STPG2: variants seen among roughly 807,000 people sequenced by gnomAD.
STPG2 encodes sperm tail PG-rich repeat containing 2.
A neutral mutation model predicts 54.2 loss-of-function variants in STPG2; 56 were observed. The ratio of observed to expected loss-of-function variants is 1.03; its 90% confidence interval spans 0.83 to 1.29. STPG2 has a LOEUF of 1.29. STPG2 is among the 50% of genes most tolerant of loss of function. The probability of loss-of-function intolerance (pLI) is 0.00; values close to 1 mark genes in which losing one functional copy is unlikely to be tolerated. For synonymous variants in STPG2, 200 were observed against 181.8 expected (o/e 1.10, Z -0.81); for missense variants, 596 against 544.9 (o/e 1.09, Z -0.93).
At chr4:97,874,571 T>G (rs1730107143) in intron 8 of STPG2, among the ~76,000 whole-genome samples, 1 of 151,830 alleles carries the variant, frequency 6.6e-6, no homozygotes, top group South Asian at 2.1e-4. Flanking sequence ...GGGCTATATA[T>G]AAGTTTGCAT....
intron 3 of STPG2, among the ~76,000 whole-genome samples, chr4:98,126,589 A>T (rs1297750813): frequency 6.6e-6 from 1 of 152,186 alleles, no homozygotes; most frequent in East Asian, 1.9e-4. Context: ...CCGCCTAGTC[A>T]GTCCCAATGA....
intron 8 of STPG2, among the ~76,000 whole-genome samples, chr4:97,906,228 C>G (rs1030999345): frequency 6.6e-6 from 1 of 152,186 alleles, no homozygotes; most frequent in Non-Finnish European, 1.5e-5. Context: ...TCAGAGAATA[C>G]TACAAACACC....
rs182845194 is a variant in STPG2 at position 97,548,808 on chromosome 4, G to A, written c.462+163891C>T. On this transcript the variant is annotated intron_variant, in intron 4 of 4. Coordinates refer to the STPG2 transcript ENST00000522676. ...ATGATACTACTAAAAGATACACAAGGTATGTTAGAGAAAATTTCATATTTT... is the reference window on the plus strand; with the variant it reads ...ATGATACTACTAAAAGATACACAAGATATGTTAGAGAAAATTTCATATTTT... Among the ~76,000 whole-genome samples, 631 of 152,176 alleles carry A rather than the reference G, an allele frequency of 4.1e-3. 3 individuals are homozygous for A. Among genetic ancestry groups the A allele is most frequent in the South Asian group, 0.02 (98 of 4,824 alleles).
chr4:97,469,001 T>C (rs1260818767), intron 4 of STPG2, among the ~76,000 whole-genome samples: 1 of 152,088 alleles, frequency 6.6e-6, no homozygotes. Context: ...AACCAAAGTT[T>C]ACTGCCTTCA....
intron 4 of STPG2, among the ~76,000 whole-genome samples, chr4:97,511,067 T>C (rs1730961667): frequency 6.6e-6 from 1 of 152,034 alleles, no homozygotes; most frequent in Non-Finnish European, 1.5e-5. Context: ...CCAAAGTACA[T>C]GGAAGAAATA....
intron 8 of STPG2, among the ~76,000 whole-genome samples, chr4:97,932,173 A>G (rs1732573016): frequency 6.6e-6 from 1 of 151,878 alleles, no homozygotes; most frequent in African/African-American, 2.4e-5. Flanking sequence ...TATTTTATTA[A>G]TTTTTTCAAA....
chr4:97,848,897 C>A (rs1028340072), intron 8 of STPG2, among the ~76,000 whole-genome samples: 1 of 150,552 alleles, frequency 6.6e-6, no homozygotes, highest in African/African-American at 2.5e-5. Flanking sequence ...GTTTTGGTTA[C>A]TGTAGCCTTG....
intron 4 of STPG2, among the ~76,000 whole-genome samples, chr4:97,452,177 T>G (rs1729394497): frequency 1.6e-5 from 2 of 123,876 alleles, no homozygotes; most frequent in Non-Finnish European, 3.2e-5. Context: ...AAACCCTGGC[T>G]GCAGACTCAG....
chr4:97,555,735 T>A (rs1207216834), downstream of STPG2, among the ~76,000 whole-genome samples: 2 of 152,106 alleles, frequency 1.3e-5, no homozygotes, highest in African/African-American at 4.8e-5. Flanking sequence ...AAGTCCCACC[T>A]AAACAGAAAC....
In STPG2 at chr4:97,533,233, A is replaced by G. The variant is rs147508544; in HGVS notation, c.462+179466T>C. Among the ~76,000 whole-genome samples, 632 of 152,312 alleles carry G rather than the reference A, an allele frequency of 4.1e-3. 3 individuals carry two copies. Among genetic ancestry groups the G allele is most frequent in the South Asian group, 0.02 (98 of 4,830 alleles). ...AGAAATATAATTACATAAAGAGTCA[A>G]AAAAGCACATGTTAGGGACTCAAAA... On this transcript the variant is annotated intron_variant, in intron 4 of 4. Transcript: ENST00000522676.
chr4:97,865,043 A>G (rs1294482370), intron 8 of STPG2, among the ~76,000 whole-genome samples: 1 of 152,210 alleles, frequency 6.6e-6, no homozygotes, highest in Non-Finnish European at 1.5e-5. Context: ...CAAGGACTTC[A>G]TGTCTAAAAC....
At chr4:97,773,224 C>T (rs1305791491) in intron 9 of STPG2, among the ~76,000 whole-genome samples, 1 of 152,080 alleles carries the variant, frequency 6.6e-6, no homozygotes, top group Non-Finnish European at 1.5e-5. Context: ...TAGAAATTGA[C>T]TGTACCTTTA....
At chr4:97,548,159 A>ACAAAACAAAT (rs1471333919) in intron 4 of STPG2, among the ~76,000 whole-genome samples, 2 of 151,868 alleles carry the variant, frequency 1.3e-5, no homozygotes, top group African/African-American at 4.8e-5. Flanking sequence ...TCAAAACAAA[A>ACAAAACAAAT]CAAAACAAAA....
chr4:97,988,818 G>A (rs1015321395), intron 5 of STPG2, among the ~76,000 whole-genome samples: 21 of 152,060 alleles, frequency 1.4e-4, no homozygotes, highest in Admixed American at 3.3e-4. Context: ...GTTGATCTTG[G>A]GTTCCCCAGA....
intron 4 of STPG2, among the ~76,000 whole-genome samples, chr4:97,514,744 T>G (rs549300059): frequency 1.0e-3 from 154 of 152,068 alleles, no homozygotes; most frequent in Non-Finnish European, 2.0e-3. Context: ...TTTTCAGCCT[T>G]CAATTACTTT....
intron 9 of STPG2, among the ~76,000 whole-genome samples, chr4:97,795,834 T>G (rs558952532): frequency 5.9e-5 from 9 of 152,316 alleles, no homozygotes; most frequent in Non-Finnish European, 5.9e-5. Context: ...AAAGTGTTCC[T>G]ATTTCTCCAC....
chr4:97,544,658 A>C (rs1008125821), intron 4 of STPG2, among the ~76,000 whole-genome samples: 6 of 152,116 alleles, frequency 3.9e-5, no homozygotes, highest in Non-Finnish European at 8.8e-5. Flanking sequence ...GGCTTAAAAA[A>C]TTTCCCAACA....
rs116573824 is a variant in STPG2 at position 97,787,436 on chromosome 4, A to G, written c.1204+53337T>C. Among the ~76,000 whole-genome samples, 1,357 of 152,064 alleles carry G rather than the reference A, an allele frequency of 8.9e-3. 9 individuals carry two copies. Among genetic ancestry groups the G allele is most frequent in the Non-Finnish European group, 0.014 (947 of 67,922 alleles). Reference sequence around the variant, plus strand: ...TTAGTATGTTAAATTGCATTGATTTATTTTCAATTGTTAAACAACCTCACA... The same window carrying G: ...TTAGTATGTTAAATTGCATTGATTTGTTTTCAATTGTTAAACAACCTCACA... On this transcript the variant is annotated intron_variant, in intron 9 of 10. Coordinates refer to ENST00000295268, the MANE Select transcript of STPG2 (RefSeq NM_174952.3).
intron 9 of STPG2, among the ~76,000 whole-genome samples, chr4:97,772,664 C>G (rs1230129120): frequency 6.6e-6 from 1 of 152,040 alleles, no homozygotes; most frequent in Admixed American, 6.6e-5. Flanking sequence ...TTTATTTAGA[C>G]CATGAGTCCT....
Sources: allele counts gnomAD v4.1 joint callset (sites outside exome capture counted in the v4.1 genomes callset), GRCh38; gene constraint gnomAD v4.1.1; transcripts MANE v1.5; gene names NCBI Gene and HGNC (gene_info 2026-07-23, HGNC 2026-07-21).